Variants in MYH3 observed in about 807,000 individuals in gnomAD.
MYH3 encodes myosin-3.
MYH3 carries 130 observed loss-of-function variants against 238.0 expected under a neutral mutation model. That is an observed-to-expected ratio of 0.55 (90% CI 0.47 to 0.63). MYH3 has a LOEUF of 0.63. Ranked by LOEUF, MYH3 falls within the 30% of genes least tolerant of loss-of-function variation. MYH3 has a pLI of 0.00. For missense variants in MYH3, 1,853 were observed against 2,374.9 expected (o/e 0.78, Z 4.57); for synonymous variants, 880 against 924.1 (o/e 0.95, Z 0.86).
At chr17:10,641,262 T>C in intron 18 of MYH3, 23 bp downstream of exon 18, 1 of 1,609,764 alleles carries the variant, frequency 6.2e-7, no homozygotes, top group Non-Finnish European at 8.5e-7. Flanking sequence ...GAGCACCACC[T>C]AGCGAGCCAG....
In MYH3 at chr17:10,629,946, G is replaced by A. The variant is rs2074137570; in HGVS notation, c.5563-9C>T. ...TTCCTGTCCTCTTCACTCTAAGAAT[G>A]AGAAAGTGGGAATGTCACTGGAGAG... On this transcript the variant is annotated splice_polypyrimidine_tract_variant and intron_variant, in intron 38 of 40. Coordinates refer to ENST00000583535, the MANE Select transcript of MYH3 (RefSeq NM_002470.4). 1 of 1,613,826 alleles carries A rather than the reference G, an allele frequency of 6.2e-7. No individual in the cohort carries two copies. Among genetic ancestry groups the A allele is most frequent in the Non-Finnish European group, 8.5e-7 (1 of 1,179,844 alleles).
rs369062807 is a variant in MYH3, at chr17:10,640,416, G to T, written c.2343C>A (p.Arg781=). The T allele has an allele frequency of 1.2e-6, 2 of 1,614,092 alleles. No homozygotes were observed. Among genetic ancestry groups the T allele is most frequent in the African/African-American group, 2.7e-5 (2 of 74,932 alleles). Residue 781 remains arginine (R), a synonymous_variant, in exon 21 of 41, where the codon CGC becomes CGA. Coordinates refer to ENST00000583535, the MANE Select transcript of MYH3 (RefSeq NM_002470.4). ...GTGTCCGGGTGATTAGTTTGGCCAG[G>T]CGGTCATCCCGCATCTCTTCCAGGG... The part of the protein sequence containing the change: ...LGTLEEMRDD[R]LAKLITRTQA...
the MYH3 span, among the ~76,000 whole-genome samples, chr17:10,670,094 C>T: frequency 1.3e-5 from 2 of 152,128 alleles, no homozygotes; most frequent in African/African-American, 4.8e-5. This position sits in a 1 kb window ranked among gnomAD's most constrained non-coding sequence, Gnocchi z 7.0. Flanking sequence ...TGACATTCTC[C>T]AGGGGGAATG....
intron 8 of MYH3, among the ~76,000 whole-genome samples, chr17:10,647,948 C>T (rs939897912): frequency 2.6e-5 from 4 of 152,186 alleles, no homozygotes; most frequent in Non-Finnish European, 4.4e-5. Flanking sequence ...ATTCTATGCT[C>T]ATCCCCCACT....
Position 10,629,833 on chromosome 17 carries a change from C to T in MYH3, c.5658+9G>A, listed in dbSNP as rs374929480. On this transcript the variant is annotated intron_variant, in intron 39 of 40. Coordinates refer to ENST00000583535, the MANE Select transcript of MYH3 (RefSeq NM_002470.4). The stretch of plus-strand genomic sequence containing the variant: ...TCTGCCTGCCGCAGTCAGCACCTAT[C>T]TCACTTACAGCCTCCTCCGCCTGCC... 1.1e-4 allele frequency: 177 copies of T among 1,613,958 alleles called. No individual in the cohort carries two copies. The highest frequency in any genetic ancestry group is 1.4e-4 in the Non-Finnish European group (170 of 1,180,042).
intron 8 of MYH3, among the ~76,000 whole-genome samples, chr17:10,648,118 C>T (rs1567560544): frequency 6.6e-6 from 1 of 152,140 alleles, no homozygotes; most frequent in African/African-American, 2.4e-5. Flanking sequence ...ATGACCAGGT[C>T]TCTCTCTCTT....
Position 10,642,913 on chromosome 17 carries a change from C to T in MYH3, c.1494G>A (p.Glu498=), listed in dbSNP as rs1297498848. The change falls in exon 15 of 41, where the codon GAG becomes GAA. Residue 498 remains glutamate (E), a synonymous_variant. Coordinates refer to ENST00000583535, the MANE Select transcript of MYH3 (RefSeq NM_002470.4). This position sits in a 1 kb window ranked among gnomAD's most constrained non-coding sequence, Gnocchi z 5.4. ...TGCCTTCCTTCTTGTACTCCTCCTG[C>T]TCCAGCACGAACATGTGGTGGTTGA... ...QFFNHHMFVL[E]QEEYKKEGIE... is the part of the protein sequence containing the mutation. The T allele has an allele frequency of 3.7e-6, 6 of 1,614,074 alleles. No homozygotes were observed. The Admixed American group carries it at 1.0e-4, about 27-fold the overall frequency.
chr17:10,643,072 T>C (rs2074288203), intron 14 of MYH3, 76 bp from the exon 15 acceptor site: 1 of 1,611,954 alleles, frequency 6.2e-7, no homozygotes, highest in East Asian at 2.2e-5. Context: ...TTCCTCCTCA[T>C]TGCCCCAGGT....
chr17:10,656,537 C>CAAAAAAAAAAAAAA (rs71139057), intron 1 of MYH3, among the ~76,000 whole-genome samples: 8 of 55,890 alleles, frequency 1.4e-4, no homozygotes, highest in African/African-American at 4.0e-4. Context: ...AATTCTGTCT[C>CAAAAAAAAAAAAAA]AAAAAAAAAA....
intron 3 of MYH3, 97 bp from the exon 4 acceptor site, chr17:10,652,660 C>T (rs1486121793): frequency 1.0e-5 from 14 of 1,383,764 alleles, no homozygotes; most frequent in East Asian, 4.9e-5. Context: ...CTTGCTTTGT[C>T]GCCCAGGCTG....
chr17:10,631,654 T>A lies in MYH3; in HGVS notation c.5243A>T (p.Asp1748Val), dbSNP rs1273149083. The A allele has an allele frequency of 1.9e-6, 3 of 1,614,042 alleles. No homozygotes were observed. The highest frequency in any genetic ancestry group is 2.5e-6 in the Non-Finnish European group (3 of 1,180,036). The change falls in exon 36 of 41, where the codon GAT becomes GTT. Residue 1748 changes from aspartate to valine, a missense_variant. Transcript: ENST00000583535. ...GGCCTTCTCCTCAGCGTTCCTTGCA[T>A]CCCTGCTGGCATCTTCTACCTCACT... ...LQSEVEDASR[D>V]ARNAEEKAKK...
At chr17:10,652,155 G>T in intron 4 of MYH3, 1 of 528,748 alleles carries the variant, frequency 1.9e-6, no homozygotes. Flanking sequence ...CCCTCCCACA[G>T]TTGGTAAGTC....
chr17:10,647,119 TC>T (rs1244384186), intron 10 of MYH3, 62 bp downstream of exon 10: 4 of 1,185,010 alleles, frequency 3.4e-6, no homozygotes, highest in Non-Finnish European at 5.1e-6. Context: ...GATACAACTC[TC>T]CTTGGTCTAG....
chr17:10,661,289 TAAAAAAAAAAA>T (rs34393718), upstream of MYH3, among the ~76,000 whole-genome samples: 2 of 49,668 alleles, frequency 4.0e-5, no homozygotes, highest in Non-Finnish European at 7.0e-5. Flanking sequence ...AGACTCCATC[TAAAAAAAAAAA>T]AAAAAAAAAA....
At chr17:10,675,661 A>G in the MYH3 span, 1 of 152,192 alleles carries the variant, frequency 6.6e-6, no homozygotes, top group African/African-American at 2.4e-5. Context: ...GACTTTTAAC[A>G]CGATGGGTTA....
chr17:10,664,690 G>A, the MYH3 span, among the ~76,000 whole-genome samples: 2 of 152,142 alleles, frequency 1.3e-5, no homozygotes, highest in African/African-American at 4.8e-5. Flanking sequence ...AAAAGGAGAC[G>A]ACCCCGTATC....
At chr17:10,650,148 A>T (rs2142419891) in intron 6 of MYH3, among the ~76,000 whole-genome samples, 1 of 150,914 alleles carries the variant, frequency 6.6e-6, no homozygotes, top group East Asian at 2.0e-4. Flanking sequence ...ATTTTTTTGT[A>T]TTTTTTTTAG....
chr17:10,642,765 G>A lies in MYH3; in HGVS notation c.1582-42C>T, dbSNP rs754132354. On this transcript the variant is annotated intron_variant, in intron 15 of 40. Coordinates refer to ENST00000583535, the MANE Select transcript of MYH3 (RefSeq NM_002470.4). This position sits in a 1 kb window ranked among gnomAD's most constrained non-coding sequence, Gnocchi z 5.4. Reference sequence around the variant, plus strand: ...GCAAAGTGCAGAGAGGTAAATATGAGCTGCAGTAATGAGCAGAAGAGTCTA... The same window carrying A: ...GCAAAGTGCAGAGAGGTAAATATGAACTGCAGTAATGAGCAGAAGAGTCTA... The A allele has an allele frequency of 1.2e-6, 2 of 1,614,180 alleles. No homozygotes were observed. Among genetic ancestry groups the A allele is most frequent in the Non-Finnish European group, 8.5e-7 (1 of 1,180,044 alleles).
At chr17:10,634,436 T>C (rs1314430447) in intron 31 of MYH3, among the ~76,000 whole-genome samples, 1 of 152,216 alleles carries the variant, frequency 6.6e-6, no homozygotes, top group Non-Finnish European at 1.5e-5. Flanking sequence ...AATTGTCCTT[T>C]TCCTAATATA....
Sources: gnomAD v4.1 joint callset for allele counts (sites outside exome capture counted in the v4.1 genomes callset) on GRCh38, gnomAD v4.1.1 for gene constraint, Gnocchi (gnomAD v3.1) non-coding constraint, MANE v1.5 for transcripts, NCBI Gene and HGNC (gene_info 2026-07-23, HGNC 2026-07-21) for gene names.